The following HS6ST1 variants were observed in gnomAD, a reference collection of about 807,000 sequenced individuals.
The protein encoded by HS6ST1 is heparan-sulfate 6-O-sulfotransferase 1.
HS6ST1 carries 3 observed loss-of-function variants against 25.2 expected under a neutral mutation model. The ratio of observed to expected loss-of-function variants is 0.12; its 90% CI spans 0.05 to 0.31. The LOEUF (loss-of-function observed/expected upper bound fraction) is 0.31. Ranked by LOEUF, HS6ST1 falls within the 10% of genes least tolerant of loss-of-function variation. The pLI is 1.00. For missense variants in HS6ST1, 310 were observed against 609.6 expected (o/e 0.51, Z 5.18); for synonymous variants, 204 against 275.1 (o/e 0.74, Z 2.56).
chr2:128,298,187 G>A (rs1019160691), intron 1 of HS6ST1, among the ~76,000 whole-genome samples: 3 of 152,098 alleles, frequency 2.0e-5, no homozygotes, highest in Non-Finnish European at 4.4e-5. Context: ...CAAGGATGTA[G>A]AGAAACTGGA....
chr2:128,316,583 G>T (rs1471300722), intron 1 of HS6ST1, among the ~76,000 whole-genome samples: 1 of 152,170 alleles, frequency 6.6e-6, no homozygotes, highest in African/African-American at 2.4e-5. Context: ...CTAAGTGCTG[G>T]GCCGGAAGCA....
intron 1 of HS6ST1, among the ~76,000 whole-genome samples, chr2:128,292,891 T>A (rs1467032156): frequency 6.6e-6 from 1 of 151,334 alleles, no homozygotes; most frequent in Non-Finnish European, 1.5e-5. Flanking sequence ...ACATGGGGTG[T>A]GGGGGAAGGC....
At chr2:128,277,145 A>C (rs1330558260) in intron 1 of HS6ST1, among the ~76,000 whole-genome samples, 1 of 152,126 alleles carries the variant, frequency 6.6e-6, no homozygotes, top group African/African-American at 2.4e-5. Context: ...AAACAGGGCC[A>C]CTTCTCTCCT....
chr2:128,290,984 T>TA (rs35609892), intron 1 of HS6ST1, among the ~76,000 whole-genome samples: 5 of 149,610 alleles, frequency 3.3e-5, no homozygotes, highest in East Asian at 3.9e-4. Flanking sequence ...TGTCTCAAAT[T>TA]AAAAAAAAAA....
intron 1 of HS6ST1, among the ~76,000 whole-genome samples, chr2:128,275,088 T>C (rs560475588): frequency 3.3e-5 from 5 of 152,104 alleles, no homozygotes; most frequent in African/African-American, 4.8e-5. Flanking sequence ...CTGGAATCAT[T>C]TGGAAAAAAT....
chr2:128,288,572 G>C (rs146484257), intron 1 of HS6ST1, among the ~76,000 whole-genome samples: 2 of 152,198 alleles, frequency 1.3e-5, no homozygotes, highest in Non-Finnish European at 2.9e-5. Flanking sequence ...TGGAGAGATG[G>C]AGCAGAAATG....
chr2:128,270,558 A>T (rs1693594937), intron 1 of HS6ST1, among the ~76,000 whole-genome samples: 1 of 152,142 alleles, frequency 6.6e-6, no homozygotes. Flanking sequence ...AATAATGACC[A>T]AGGGCCAGGG....
intron 1 of HS6ST1, among the ~76,000 whole-genome samples, chr2:128,310,694 G>C (rs764877157): frequency 6.6e-6 from 1 of 152,168 alleles, no homozygotes; most frequent in Non-Finnish European, 1.5e-5. Context: ...CCTCCACCCT[G>C]GGTTGGGTGG....
chr2:128,278,659 C>A (rs927689678), intron 1 of HS6ST1, among the ~76,000 whole-genome samples: 1 of 152,284 alleles, frequency 6.6e-6, no homozygotes, highest in African/African-American at 2.4e-5. Flanking sequence ...CCTGCACCAA[C>A]CCCTGGAGCT....
At chr2:128,300,660 C>G (rs541894169) in intron 1 of HS6ST1, among the ~76,000 whole-genome samples, 1 of 152,172 alleles carries the variant, frequency 6.6e-6, no homozygotes, top group African/African-American at 2.4e-5. Context: ...GTGGGCGGAC[C>G]ACCTTGAGTT....
intron 1 of HS6ST1, among the ~76,000 whole-genome samples, chr2:128,294,279 T>C (rs1380084936): frequency 6.6e-6 from 1 of 152,156 alleles, no homozygotes; most frequent in African/African-American, 2.4e-5. Flanking sequence ...TCACTGACTC[T>C]ACTGCATCAG....
intron 1 of HS6ST1, among the ~76,000 whole-genome samples, chr2:128,307,633 G>A (rs1298905486): frequency 6.6e-6 from 1 of 152,242 alleles, no homozygotes; most frequent in Non-Finnish European, 1.5e-5. Context: ...GAACAGGTCG[G>A]TGGAAGAGAC....
chr2:128,274,216 A>G (rs1693656948), intron 1 of HS6ST1, among the ~76,000 whole-genome samples: 1 of 152,082 alleles, frequency 6.6e-6, no homozygotes, highest in African/African-American at 2.4e-5. Flanking sequence ...ATTGGAGTAC[A>G]TCATTCACGG....
intron 1 of HS6ST1, among the ~76,000 whole-genome samples, chr2:128,291,366 G>A (rs1452649253): frequency 1.3e-5 from 2 of 152,364 alleles, no homozygotes; most frequent in African/African-American, 2.4e-5. Context: ...GTGGGTTTGC[G>A]CTCAGTGAGG....
chr2:128,285,401 G>A (rs1693846111), intron 1 of HS6ST1, among the ~76,000 whole-genome samples: 1 of 152,180 alleles, frequency 6.6e-6, no homozygotes, highest in Non-Finnish European at 1.5e-5. Context: ...AGACCCCACT[G>A]GGGCCCAACA....
rs1453144735 is a variant in HS6ST1 at position 128,265,823 on chromosome 2, CT to C, written c.*2338del. On this transcript the variant is annotated 3_prime_UTR_variant, in exon 2 of 2. Coordinates refer to ENST00000259241, the MANE Select transcript of HS6ST1 (RefSeq NM_004807.3). ...CCTGCCTGTTTCCGTCCTCACAGCC[CT>C]GGGAGGGCCCCGGTGGACAGAGTCC... 6.6e-6 allele frequency: 1 copy of C among 152,268 alleles called. No individual in the cohort carries two copies. Among genetic ancestry groups the C allele is most frequent in the Non-Finnish European group, 1.5e-5 (1 of 68,068 alleles). The allele number at this position is 152,268 out of a possible 1,614,324, so 9.4% of individuals were successfully genotyped here.
chr2:128,270,116 C>T (rs1184853686), intron 1 of HS6ST1, among the ~76,000 whole-genome samples: 3 of 152,186 alleles, frequency 2.0e-5, no homozygotes, highest in African/African-American at 7.2e-5. Context: ...CCAGTGATGG[C>T]TCCAGGGGCA....
chr2:128,280,558 C>G (rs1160651603), intron 1 of HS6ST1, among the ~76,000 whole-genome samples: 1 of 152,244 alleles, frequency 6.6e-6, no homozygotes, highest in African/African-American at 2.4e-5. Flanking sequence ...AGCCCCTCCC[C>G]TCTGCCTGCA....
chr2:128,268,061 G>T lies in HS6ST1; in HGVS notation c.*101C>A. 1.2e-6 allele frequency: 1 copy of T among 823,894 alleles called. No individual in the cohort carries two copies. The highest frequency in any genetic ancestry group is 2.0e-6 in the Non-Finnish European group (1 of 506,506). The allele number at this position is 823,894 out of a possible 1,614,324, so 51.0% of individuals were successfully genotyped here. ...GGACGCAGCTACCTCTGTGGAGCAG[G>T]TTTGGGATGCTCATCCCTTGACAGT... is the stretch of plus-strand genomic sequence containing the variant. On this transcript the variant is annotated 3_prime_UTR_variant, in exon 2 of 2. Coordinates refer to ENST00000259241, the MANE Select transcript of HS6ST1 (RefSeq NM_004807.3).
Sources: gnomAD v4.1 joint callset for allele counts (sites outside exome capture counted in the v4.1 genomes callset) on GRCh38, gnomAD v4.1.1 for gene constraint, MANE v1.5 for transcripts, NCBI Gene and HGNC (gene_info 2026-07-23, HGNC 2026-07-21) for gene names.